GALNT10: variants seen among roughly 807,000 people sequenced by gnomAD.
GALNT10 encodes GalNAc transferase 10.
In GALNT10, 41 loss-of-function variants were observed where a neutral mutation model predicts 75.0. That is an observed-to-expected ratio of 0.55 (90% CI 0.43 to 0.71). The LOEUF (loss-of-function observed/expected upper bound fraction) is 0.71. Ranked by LOEUF, GALNT10 falls within the 30% of genes least tolerant of loss-of-function variation. GALNT10 has a pLI of 0.00. For missense variants in GALNT10, 727 were observed against 818.5 expected, an observed-to-expected ratio of 0.89 and a Z score of 1.36; for synonymous variants, 302 against 313.0, an observed-to-expected ratio of 0.96 and a Z score of 0.37.
chr5:154,396,827 T>TATCA (rs1267369346), intron 7 of GALNT10, among the ~76,000 whole-genome samples: 2 of 152,126 alleles, frequency 1.3e-5, no homozygotes, highest in Non-Finnish European at 2.9e-5. Context: ...CTTAAAACTG[T>TATCA]ATCATATAAA....
chr5:154,309,245 C>G (rs185801541), intron 3 of GALNT10, among the ~76,000 whole-genome samples: 1 of 151,946 alleles, frequency 6.6e-6, no homozygotes, highest in African/African-American at 2.4e-5. Context: ...GACCACTGTG[C>G]CTGGCTTGTG....
At position 154,191,012 on chromosome 5, in the gene GALNT10, C is replaced by T; in HGVS notation, c.146C>T (p.Pro49Leu). 2 of 1,456,868 alleles carry T rather than the reference C, an allele frequency of 1.4e-6. No individual in the cohort carries two copies. The highest frequency in any genetic ancestry group is 1.8e-6 in the Non-Finnish European group (2 of 1,099,582). The allele number at this position is 1,456,868 out of a possible 1,614,324, so 90.2% of individuals were successfully genotyped here. ...GGGGGATCGGGGGCGGCGGTGGCGCCGGCGGCGGGACAGGTGAGTCCCCCC... is the reference window on the plus strand; with the variant it reads ...GGGGGATCGGGGGCGGCGGTGGCGCTGGCGGCGGGACAGGTGAGTCCCCCC... ...TPGGSGAAVA[P>L]AAGQGSHSRQ... The change falls in exon 1 of 12, where the codon CCG (proline) becomes CTG (leucine). Residue 49 changes from proline (P) to leucine (L), a missense_variant. Physicochemically the swap from Pro to Leu is moderately conservative, Grantham distance 98. Coordinates refer to ENST00000297107, the MANE Select transcript of GALNT10 (RefSeq NM_198321.4).
rs762975578 is a variant in GALNT10 at position 154,376,598 on chromosome 5, T to C, written c.754+136T>C. The C allele has an allele frequency of 1.1e-4, 66 of 591,210 alleles. No individual in the cohort carries two copies. The highest frequency in any genetic ancestry group is 2.2e-4 in the East Asian group (7 of 32,350). The allele number at this position is 591,210 out of a possible 1,614,324, so 36.6% of individuals were successfully genotyped here. A position where few individuals can be genotyped will look rare whatever the true frequency, so the allele number is the denominator to read the frequency against. The stretch of plus-strand genomic sequence containing the variant: ...GCCCCCAGCACAATGCCAGGTGCCA[T>C]GAGGGATTCAGAAGTTCAGGAGTGC... On this transcript the variant is annotated intron_variant, in intron 5 of 11. Transcript: ENST00000297107. This position sits in a 1 kb window ranked among gnomAD's most constrained non-coding sequence, Gnocchi z 4.1.
chr5:154,356,996 A>G (rs1232089503), intron 4 of GALNT10, among the ~76,000 whole-genome samples: 1 of 152,244 alleles, frequency 6.6e-6, no homozygotes, highest in African/African-American at 2.4e-5. Context: ...ATTCACAATT[A>G]AAAGACAGAA....
intron 2 of GALNT10, among the ~76,000 whole-genome samples, chr5:154,297,367 A>G (rs923926627): frequency 1.3e-5 from 2 of 152,206 alleles, no homozygotes; most frequent in Non-Finnish European, 2.9e-5. Context: ...GGCAATTTTG[A>G]TTTACTTATA....
rs1756113428 is a variant in GALNT10, at chr5:154,399,479, C to T, written c.1057-4625C>T. Among the ~76,000 whole-genome samples the T allele has an allele frequency of 2.0e-5, 3 of 152,194 alleles. No homozygotes were observed. The South Asian group carries it at 6.2e-4, about 32-fold the overall frequency. Reference sequence around the variant, plus strand: ...CCACTTCACCCCAGACAAACCCAGCCAGGATCCAGCCCGAAAGAGATGGCA... The same window carrying T: ...CCACTTCACCCCAGACAAACCCAGCTAGGATCCAGCCCGAAAGAGATGGCA... On this transcript the variant is annotated intron_variant, in intron 7 of 11. Transcript: ENST00000297107.
intron 1 of GALNT10, among the ~76,000 whole-genome samples, chr5:154,265,676 T>C (rs1753765710): frequency 6.6e-6 from 1 of 152,164 alleles, no homozygotes; most frequent in Non-Finnish European, 1.5e-5. Context: ...CAAAAGACAG[T>C]CCCATATGTC....
intron 1 of GALNT10, among the ~76,000 whole-genome samples, chr5:154,233,290 A>G (rs756527832): frequency 4.6e-5 from 7 of 152,120 alleles, no homozygotes; most frequent in African/African-American, 7.2e-5. Context: ...ATCAATGTTA[A>G]CTTGCAGGTG....
intron 1 of GALNT10, among the ~76,000 whole-genome samples, chr5:154,199,999 A>G (rs970775552): frequency 1.3e-5 from 2 of 152,204 alleles, no homozygotes; most frequent in Non-Finnish European, 2.9e-5. Context: ...CGCAGCTAGG[A>G]AGTGATGGAA....
chr5:154,330,908 G>GGTGTGTGTGTGT (rs370103391), intron 4 of GALNT10, among the ~76,000 whole-genome samples: 22,141 of 125,646 alleles, frequency 0.18, 1,436 homozygotes, highest in South Asian at 0.23. Flanking sequence ...AGACAGAGAG[G>GGTGTGTGTGTGT]GTGTGTGTGT....
chr5:154,357,737 T>C (rs1191263731), intron 4 of GALNT10, among the ~76,000 whole-genome samples: 4 of 152,178 alleles, frequency 2.6e-5, no homozygotes, highest in Non-Finnish European at 5.9e-5. Context: ...TTCCCACATA[T>C]GCCTTAGCTG....
At chr5:154,386,250 G>C (rs116115350) in intron 6 of GALNT10, 63 bp from the exon 7 acceptor site, 1 of 1,170,604 alleles carries the variant, frequency 8.5e-7, no homozygotes, top group African/African-American at 1.5e-5. Context: ...GCATTATCGG[G>C]CCACATGAGA....
At position 154,352,510 on chromosome 5, in the gene GALNT10, C is replaced by T. The variant is rs1039691935; in HGVS notation, c.568+22772C>T. Among the ~76,000 whole-genome samples the T allele has an allele frequency of 6.6e-6, 1 of 152,190 alleles. No individual in the cohort carries two copies. The highest frequency in any genetic ancestry group is 1.5e-5 in the Non-Finnish European group (1 of 68,038). ...TATCCCCATTTTGCCCATGAAAACC[C>T]TGCAGCTGGGAGAGGTTAAGTAATT... On this transcript the variant is annotated intron_variant, in intron 4 of 11. Transcript: ENST00000297107. The surrounding 1 kb of genome is among the most constrained non-coding windows in gnomAD (Gnocchi z 4.4).
intron 1 of GALNT10, among the ~76,000 whole-genome samples, chr5:154,223,469 A>G (rs1396137115): frequency 6.6e-6 from 1 of 152,254 alleles, no homozygotes; most frequent in Non-Finnish European, 1.5e-5. Flanking sequence ...GTATTAAGGA[A>G]CTATAAGCAA....
At chr5:154,295,665 C>CTAAG (rs1754262326) in intron 2 of GALNT10, among the ~76,000 whole-genome samples, 1 of 152,134 alleles carries the variant, frequency 6.6e-6, no homozygotes, top group Admixed American at 6.5e-5. Flanking sequence ...GGAGCCTGGA[C>CTAAG]TAAGGAGTCA....
chr5:154,307,481 G>T lies in GALNT10; in HGVS notation c.401+9402G>T, dbSNP rs546064675. ...TAAAAACACAAAAAATTAGCCAGGC[G>T]TGGTGGCAGGCGCCTGTAGTCCCAG... On this transcript the variant is annotated intron_variant, in intron 3 of 11. Transcript: ENST00000297107. Among the ~76,000 whole-genome samples, 47 of 152,080 alleles carry T rather than the reference G, an allele frequency of 3.1e-4. No homozygotes were observed. The East Asian group carries it at 5.2e-3, about 17-fold the overall frequency.
chr5:154,307,015 G>A (rs1754444499), intron 3 of GALNT10, among the ~76,000 whole-genome samples: 1 of 152,050 alleles, frequency 6.6e-6, no homozygotes, highest in Admixed American at 6.5e-5. Context: ...TAGAAAAAGA[G>A]AAAAAGAAGA....
chr5:154,413,025 G>A lies in GALNT10; in HGVS notation c.1503+20G>A. ...ATGCAGGTAAGGGCCGCCCCTCAGG[G>A]ACTGGCAGCCAGGTTCTCTGAAACA... On this transcript the variant is annotated intron_variant, in intron 10 of 11. Coordinates refer to ENST00000297107, the MANE Select transcript of GALNT10 (RefSeq NM_198321.4). The A allele has an allele frequency of 6.8e-7, 1 of 1,481,324 alleles. No individual in the cohort carries two copies. 91.8% of individuals were successfully genotyped at this position (1,481,324 alleles called of 1,614,324 possible).
At chr5:154,205,138 G>A (rs967744484) in intron 1 of GALNT10, among the ~76,000 whole-genome samples, 67 of 152,290 alleles carry the variant, frequency 4.4e-4, no homozygotes, top group African/African-American at 1.5e-3. Context: ...TGTTCTCATA[G>A]TGGGGGAAGA....
Sources: allele counts gnomAD v4.1 joint callset (sites outside exome capture counted in the v4.1 genomes callset), GRCh38; gene constraint gnomAD v4.1.1; non-coding constraint Gnocchi (gnomAD v3.1); transcripts MANE v1.5; gene names NCBI Gene and HGNC (gene_info 2026-07-23, HGNC 2026-07-21).